The following ITGB1BP1 variants were observed in gnomAD, a reference collection of about 807,000 sequenced individuals.
ITGB1BP1 encodes integrin subunit beta 1 binding protein 1, also known as integrin beta-1-binding protein 1.
In ITGB1BP1, 20 loss-of-function variants were observed where a neutral mutation model predicts 28.0. The ratio of observed to expected loss-of-function variants is 0.71; its 90% confidence interval spans 0.50 to 1.04. ITGB1BP1 has a LOEUF of 1.04. Ranked by LOEUF, ITGB1BP1 falls within the 50% of genes least tolerant of loss-of-function variation. The pLI is 0.00. For synonymous variants in ITGB1BP1, 103 were observed against 89.5 expected (o/e 1.15, Z -0.85); for missense variants, 228 against 242.5 (o/e 0.94, Z 0.40).
rs1010305877 is a variant in ITGB1BP1, at chr2:9,423,443, C to T, written c.-106G>A. The T allele has an allele frequency of 4.3e-5, 50 of 1,153,608 alleles. No individual in the cohort carries two copies. Among genetic ancestry groups the T allele is most frequent in the Non-Finnish European group, 5.4e-5 (50 of 929,464 alleles). 71.5% of individuals were successfully genotyped at this position (1,153,608 alleles called of 1,614,324 possible). On this transcript the variant is annotated 5_prime_UTR_variant, in exon 1 of 7. Coordinates refer to ENST00000355346, the MANE Select transcript of ITGB1BP1 (RefSeq NM_004763.5). ...CGTGGGAGTGCCGCGGCCTTTGGCG[C>T]CCAGGCAGCTACTCCCGTTCCCGCT...
At position 9,405,807 on chromosome 2, in the gene ITGB1BP1, T is replaced by TTCTC. The variant is rs1204752748; in HGVS notation, c.*1023_*1026dup. On this transcript the variant is annotated 3_prime_UTR_variant, in exon 7 of 7. Coordinates refer to ENST00000355346, the MANE Select transcript of ITGB1BP1 (RefSeq NM_004763.5). ...TAGCATGAGCGGTAATCTTTTAAGG[T>TTCTC]TCTCTTAACTCTAGGAATTGTGGTT... is the stretch of plus-strand genomic sequence containing the variant. The TTCTC allele has an allele frequency of 2.6e-5, 4 of 152,222 alleles. No homozygotes were observed. Among genetic ancestry groups the TTCTC allele is most frequent in the Non-Finnish European group, 5.9e-5 (4 of 68,040 alleles). 9.4% of individuals were successfully genotyped at this position (152,222 alleles called of 1,614,324 possible). A position where few individuals can be genotyped will look rare whatever the true frequency, so the allele number is the denominator to read the frequency against.
chr2:9,408,859 A>G (rs1677926745), intron 4 of ITGB1BP1, among the ~76,000 whole-genome samples: 1 of 152,210 alleles, frequency 6.6e-6, no homozygotes, highest in African/African-American at 2.4e-5. Context: ...GTTAATCCTA[A>G]TTACACACTG....
At chr2:9,418,089 C>T (rs1679367521) in intron 2 of ITGB1BP1, among the ~76,000 whole-genome samples, 1 of 152,204 alleles carries the variant, frequency 6.6e-6, no homozygotes, top group Non-Finnish European at 1.5e-5. Flanking sequence ...ATGCAGCTAT[C>T]TTTATACTCT....
In ITGB1BP1 at chr2:9,403,529, A is replaced by G; in HGVS notation, c.*3305T>C. 2 of 537,390 alleles carry G rather than the reference A, an allele frequency of 3.7e-6. No homozygotes were observed. Among genetic ancestry groups the G allele is most frequent in the South Asian group, 5.5e-5 (2 of 36,256 alleles). The allele number at this position is 537,390 out of a possible 1,614,324, so 33.3% of individuals were successfully genotyped here. A position where few individuals can be genotyped will look rare whatever the true frequency, so the allele number is the denominator to read the frequency against. ...TTTGTGGTTTTCATGAAACATTGCT[A>G]TGCATTTATTAGGAAAAACTGAATT... On this transcript the variant is annotated 3_prime_UTR_variant, in exon 7 of 7. Coordinates refer to ENST00000355346, the MANE Select transcript of ITGB1BP1 (RefSeq NM_004763.5).
Position 9,406,470 on chromosome 2 carries a change from AGTGTGTGTTTGTC to A in ITGB1BP1, c.*351_*363del, listed in dbSNP as rs1558416629. The A allele has an allele frequency of 6.8e-4, 52 of 75,950 alleles. 3 individuals are homozygous for A. The highest frequency in any genetic ancestry group is 3.0e-3 in the African/African-American group (42 of 13,918). The allele number at this position is 75,950 out of a possible 1,614,324, so 4.7% of individuals were successfully genotyped here. A position where few individuals can be genotyped will look rare whatever the true frequency, so the allele number is the denominator to read the frequency against. On this transcript the variant is annotated 3_prime_UTR_variant, in exon 7 of 7. Coordinates refer to ENST00000355346, the MANE Select transcript of ITGB1BP1 (RefSeq NM_004763.5). ...GACATCTAGTCTTCCTCAGGCCTTCAGTGTGTGTTTGTCACTGAGTGGACCTCTGTGACATCTC... is the reference window on the plus strand; with the variant it reads ...GACATCTAGTCTTCCTCAGGCCTTCAACTGAGTGGACCTCTGTGACATCTC...
intron 2 of ITGB1BP1, among the ~76,000 whole-genome samples, chr2:9,416,989 T>C (rs535257218): frequency 3.9e-5 from 6 of 152,104 alleles, no homozygotes; most frequent in African/African-American, 1.2e-4. Flanking sequence ...CTGCAGAACC[T>C]GAGGTTTCAG....
At chr2:9,407,092 T>A (rs2148862726) in intron 6 of ITGB1BP1, 187 bp from the exon 7 acceptor site, 1 of 614,646 alleles carries the variant, frequency 1.6e-6, no homozygotes. Context: ...TCTGCCCTCC[T>A]TCAGAGGAAA....
chr2:9,408,834 ATTGT>A (rs1209422254), intron 4 of ITGB1BP1, among the ~76,000 whole-genome samples: 5 of 152,130 alleles, frequency 3.3e-5, no homozygotes, highest in Non-Finnish European at 7.4e-5. Flanking sequence ...TTTCATGCAT[ATTGT>A]TTGTCTTGGA....
At position 9,418,617 on chromosome 2, in the gene ITGB1BP1, T is replaced by C; in HGVS notation, c.72+9A>G. The C allele has an allele frequency of 6.3e-7, 1 of 1,577,458 alleles. No homozygotes were observed. The highest frequency in any genetic ancestry group is 1.7e-4 in the Middle Eastern group (1 of 5,986). ...CTTTATGATTCTGTTCCAAATTCCA[T>C]TTCCCTACCTTGCTCTTAGTACTGA... On this transcript the variant is annotated intron_variant, in intron 2 of 6. Transcript: ENST00000355346.
In ITGB1BP1 at chr2:9,410,857, C is replaced by T. The variant is rs148050345; in HGVS notation, c.288+1412G>A. On this transcript the variant is annotated intron_variant, in intron 4 of 6. Transcript: ENST00000355346. ...TCCCCCAAAATGCTGGGATTACAGA[C>T]GTGAGCCACCATGCCCTGCCACGCT... Among the ~76,000 whole-genome samples, 1,190 of 152,310 alleles carry T rather than the reference C, an allele frequency of 7.8e-3. 15 individuals carry two copies. The highest frequency in any genetic ancestry group is 9.5e-3 in the Non-Finnish European group (647 of 68,030).
intron 6 of ITGB1BP1, chr2:9,407,224 T>C: frequency 1.6e-6 from 1 of 613,414 alleles, no homozygotes; most frequent in Non-Finnish European, 2.9e-6. Context: ...TTTGTTTACC[T>C]TTTAAATCCC....
intron 3 of ITGB1BP1, 34 bp from the exon 4 acceptor site, chr2:9,412,439 A>C: frequency 6.4e-7 from 1 of 1,568,058 alleles, no homozygotes; most frequent in Non-Finnish European, 8.6e-7. Flanking sequence ...AGACTTAAGA[A>C]GAAATATCTG....
intron 2 of ITGB1BP1, 61 bp from the exon 3 acceptor site, chr2:9,414,317 C>A: frequency 8.1e-7 from 1 of 1,237,508 alleles, no homozygotes; most frequent in Non-Finnish European, 1.2e-6. Flanking sequence ...TCTCTAAAGT[C>A]CTCTAACCCA....
chr2:9,418,779 T>A, intron 1 of ITGB1BP1, 47 bp from the exon 2 acceptor site: 1 of 1,174,532 alleles, frequency 8.5e-7, no homozygotes, highest in Non-Finnish European at 1.2e-6. Context: ...AAAGCAACTT[T>A]TTTTTTTTTT....
Position 9,406,580 on chromosome 2 carries a change from T to C in ITGB1BP1, c.*254A>G. ...GTGACACCTAGGCTTCTGTGACACT[T>C]AGGTTAAGCTTATTAGAAGTTGAAA... On this transcript the variant is annotated 3_prime_UTR_variant, in exon 7 of 7. Coordinates refer to ENST00000355346, the MANE Select transcript of ITGB1BP1 (RefSeq NM_004763.5). 3 of 472,470 alleles carry C rather than the reference T, an allele frequency of 6.3e-6. No homozygotes were observed. The highest frequency in any genetic ancestry group is 3.5e-5 in the Admixed American group (1 of 28,974). 29.3% of individuals were successfully genotyped at this position (472,470 alleles called of 1,614,324 possible).
Position 9,415,964 on chromosome 2 carries a change from G to A in ITGB1BP1, c.73-1708C>T, listed in dbSNP as rs138976317. Among the ~76,000 whole-genome samples the A allele has an allele frequency of 1.6e-4, 25 of 152,344 alleles. No individual in the cohort carries two copies. The highest frequency in any genetic ancestry group is 5.5e-4 in the African/African-American group (23 of 41,590). ...AGGTCTAGGGAGGCATCTCCTGAGG[G>A]GGCCTTGTGCGACCCTGCGAGACGC... On this transcript the variant is annotated intron_variant, in intron 2 of 6. Transcript: ENST00000355346. The surrounding 1 kb of genome is among the most constrained non-coding windows in gnomAD (Gnocchi z 4.1).
Position 9,423,464 on chromosome 2 carries a change from C to A in ITGB1BP1, c.-127G>T. The stretch of plus-strand genomic sequence containing the variant: ...GGCGCCCAGGCAGCTACTCCCGTTC[C>A]CGCTCCAGCGCCGGCTTTTCCAGCC... On this transcript the variant is annotated 5_prime_UTR_variant, in exon 1 of 7. Coordinates refer to ENST00000355346, the MANE Select transcript of ITGB1BP1 (RefSeq NM_004763.5). 1.7e-6 allele frequency: 2 copies of A among 1,176,946 alleles called. No homozygotes were observed. The highest frequency in any genetic ancestry group is 1.6e-5 in the African/African-American group (1 of 60,938). 72.9% of individuals were successfully genotyped at this position (1,176,946 alleles called of 1,614,324 possible).
At chr2:9,416,283 C>T (rs1000311486) in intron 2 of ITGB1BP1, among the ~76,000 whole-genome samples, 2 of 152,168 alleles carry the variant, frequency 1.3e-5, no homozygotes, top group African/African-American at 4.8e-5. Flanking sequence ...ATATCAACTT[C>T]TCTGGGCTAA....
At chr2:9,409,535 A>G (rs1254693223) in intron 4 of ITGB1BP1, among the ~76,000 whole-genome samples, 1 of 152,236 alleles carries the variant, frequency 6.6e-6, no homozygotes, top group African/African-American at 2.4e-5. Flanking sequence ...ATCTTTCAGT[A>G]CAACACTTAG....
Sources: allele counts gnomAD v4.1 joint callset (sites outside exome capture counted in the v4.1 genomes callset), GRCh38; gene constraint gnomAD v4.1.1; non-coding constraint Gnocchi (gnomAD v3.1); transcripts MANE v1.5; gene names NCBI Gene and HGNC (gene_info 2026-07-23, HGNC 2026-07-21).